The following CADPS variants were observed in gnomAD, a reference collection of about 807,000 sequenced individuals.
The protein encoded by CADPS is calcium dependent secretion activator, also known as calcium-dependent secretion activator 1.
CADPS carries 57 observed loss-of-function variants against 167.3 expected under a neutral mutation model. That is an observed-to-expected ratio of 0.34 (90% CI 0.28 to 0.42). The LOEUF (loss-of-function observed/expected upper bound fraction) is 0.42, where lower values mean the gene tolerates loss of function less well. Ranked by LOEUF, CADPS falls within the 20% of genes least tolerant of loss-of-function variation. CADPS has a pLI of 1.00. For synonymous variants in CADPS, 676 were observed against 635.3 expected (o/e 1.06, Z -0.96); for missense variants, 1,414 against 1,738.1 (o/e 0.81, Z 3.32).
intron 9 of CADPS, among the ~76,000 whole-genome samples, chr3:62,563,576 GTGATA>G (rs1311660349): frequency 6.6e-6 from 1 of 152,134 alleles, no homozygotes; most frequent in African/African-American, 2.4e-5. Flanking sequence ...TGGGGAACAG[GTGATA>G]TTCAGTTACA....
rs370883340 is a variant in CADPS at position 62,557,378 on chromosome 3, C to A, written c.1753+27G>T. 2.7e-6 allele frequency: 4 copies of A among 1,503,184 alleles called. No homozygotes were observed. The South Asian group carries it at 4.5e-5, about 17-fold the overall frequency. The allele number at this position is 1,503,184 out of a possible 1,614,324, so 93.1% of individuals were successfully genotyped here. ...TTTGGGAAGGTTGAGGGTTTGTGGGCTCGTGGCCTTGAGGGTCGGTGGGTA... is the reference window on the plus strand; with the variant it reads ...TTTGGGAAGGTTGAGGGTTTGTGGGATCGTGGCCTTGAGGGTCGGTGGGTA... On this transcript the variant is annotated intron_variant, in intron 10 of 29. Coordinates refer to ENST00000383710, the MANE Select transcript of CADPS (RefSeq NM_003716.4).
intron 8 of CADPS, among the ~76,000 whole-genome samples, chr3:62,573,319 T>G (rs1249479768): frequency 6.6e-6 from 1 of 152,226 alleles, no homozygotes; most frequent in Non-Finnish European, 1.5e-5. Flanking sequence ...TTCCTTGCTT[T>G]TCTCCCCCCA....
intron 28 of CADPS, among the ~76,000 whole-genome samples, chr3:62,424,524 C>T (rs1237103909): frequency 6.6e-6 from 1 of 152,160 alleles, no homozygotes; most frequent in Non-Finnish European, 1.5e-5. Context: ...TGGATAGTGA[C>T]ACCTGGGGTT....
At chr3:62,780,179 G>A (rs2091293427) in intron 1 of CADPS, among the ~76,000 whole-genome samples, 1 of 152,086 alleles carries the variant, frequency 6.6e-6, no homozygotes, top group South Asian at 2.1e-4. Context: ...GGCCTCAGGG[G>A]TATTTTCCAA....
intron 28 of CADPS, among the ~76,000 whole-genome samples, chr3:62,436,746 T>C (rs2055140295): frequency 6.6e-6 from 1 of 152,146 alleles, no homozygotes; most frequent in Non-Finnish European, 1.5e-5. Context: ...AGAGATAAGT[T>C]CCATTTTTAT....
In CADPS at chr3:62,434,504, T is replaced by C. The variant is rs77836183; in HGVS notation, c.3777+3600A>G. Reference sequence around the variant, plus strand: ...AGTTAGGCAACATTATGTCCAAATGTATTTCTCCAATAAACCTAGAGAATG... The same window carrying C: ...AGTTAGGCAACATTATGTCCAAATGCATTTCTCCAATAAACCTAGAGAATG... On this transcript the variant is annotated intron_variant, in intron 28 of 29. Transcript: ENST00000383710. 9.6e-3 allele frequency among the ~76,000 whole-genome samples: 1,459 copies of C among 152,278 alleles called. 20 individuals carry two copies. Among genetic ancestry groups the C allele is most frequent in the African/African-American group, 0.033 (1,363 of 41,544 alleles).
At chr3:62,831,026 C>T (rs2074979060) in intron 1 of CADPS, among the ~76,000 whole-genome samples, 1 of 152,042 alleles carries the variant, frequency 6.6e-6, no homozygotes, top group South Asian at 2.1e-4. Flanking sequence ...CAAATATGTA[C>T]ATTTCAAAGA....
intron 8 of CADPS, among the ~76,000 whole-genome samples, chr3:62,573,519 A>T (rs779915726): frequency 5.3e-5 from 8 of 152,078 alleles, no homozygotes; most frequent in African/African-American, 9.7e-5. Flanking sequence ...AGCCTAAAAA[A>T]CTTTTAATTT....
chr3:62,662,269 G>T, intron 4 of CADPS, 45 bp downstream of exon 4: 2 of 1,488,068 alleles, frequency 1.3e-6, no homozygotes, highest in Non-Finnish European at 1.9e-6. Flanking sequence ...TTCCTGAGTG[G>T]GACTTTGGCC....
intron 1 of CADPS, among the ~76,000 whole-genome samples, chr3:62,801,804 G>T (rs1265080028): frequency 1.1e-4 from 3 of 26,754 alleles, no homozygotes; most frequent in African/African-American, 1.5e-4. Flanking sequence ...GGTCACACAT[G>T]AGGGAGGTGA....
intron 28 of CADPS, among the ~76,000 whole-genome samples, chr3:62,437,584 G>T (rs1007718777): frequency 6.6e-6 from 1 of 152,070 alleles, no homozygotes; most frequent in African/African-American, 2.4e-5. Flanking sequence ...CAACTCTAAT[G>T]TAAGTGTTTG....
chr3:62,773,365 G>A (rs186757586), intron 1 of CADPS, among the ~76,000 whole-genome samples: 20 of 152,112 alleles, frequency 1.3e-4, no homozygotes, highest in Non-Finnish European at 2.6e-4. Context: ...GGCATTTTAA[G>A]TGACTTTTAT....
chr3:62,428,525 A>T (rs1019266365), intron 28 of CADPS, among the ~76,000 whole-genome samples: 2 of 151,994 alleles, frequency 1.3e-5, no homozygotes, highest in Non-Finnish European at 2.9e-5. Context: ...CATTGCATGG[A>T]GTCCTCCAAA....
intron 8 of CADPS, among the ~76,000 whole-genome samples, chr3:62,577,957 A>G (rs1307026426): frequency 6.6e-6 from 1 of 152,218 alleles, no homozygotes; most frequent in Non-Finnish European, 1.5e-5. Context: ...ATCAGATAGG[A>G]CAAACAGAAA....
At chr3:62,800,805 A>G (rs1311260822) in intron 1 of CADPS, among the ~76,000 whole-genome samples, 1 of 152,192 alleles carries the variant, frequency 6.6e-6, no homozygotes, top group African/African-American at 2.4e-5. Flanking sequence ...CAACAAAAAG[A>G]TTAAAACATC....
intron 6 of CADPS, among the ~76,000 whole-genome samples, chr3:62,627,738 T>TTA (rs2064379322): frequency 6.6e-6 from 1 of 151,732 alleles, no homozygotes; most frequent in Non-Finnish European, 1.5e-5. Flanking sequence ...TTCTGGTAAT[T>TTA]GAGTTTTGAT....
chr3:62,483,199 G>A (rs766816082), intron 21 of CADPS, among the ~76,000 whole-genome samples: 5 of 151,650 alleles, frequency 3.3e-5, no homozygotes, highest in Non-Finnish European at 5.9e-5. Context: ...GATCTTGCAG[G>A]AGAAGAGCAA....
At chr3:62,707,457 G>A (rs1580845410) in intron 3 of CADPS, among the ~76,000 whole-genome samples, 1 of 152,078 alleles carries the variant, frequency 6.6e-6, no homozygotes, top group Non-Finnish European at 1.5e-5. Context: ...CACTCAACAC[G>A]ATGCCTAACA....
chr3:62,734,600 C>G (rs1024938399), intron 3 of CADPS, among the ~76,000 whole-genome samples: 1 of 152,152 alleles, frequency 6.6e-6, no homozygotes, highest in Non-Finnish European at 1.5e-5. Context: ...AATACAATGT[C>G]TATGAGATTT....
Sources: gnomAD v4.1 joint callset for allele counts (sites outside exome capture counted in the v4.1 genomes callset) on GRCh38, gnomAD v4.1.1 for gene constraint, MANE v1.5 for transcripts, NCBI Gene and HGNC (gene_info 2026-07-23, HGNC 2026-07-21) for gene names.